The following MYO18B variants were observed in gnomAD, a reference collection of about 807,000 sequenced individuals.
MYO18B encodes unconventional myosin-XVIIIb.
Under a neutral mutation model 273.0 loss-of-function variants are expected in MYO18B, and 204 were observed. The observed-to-expected ratio is 0.75, with a 90% CI of 0.67 to 0.84. The LOEUF is 0.84. Among genes scored for constraint, MYO18B ranks in the 40% least tolerant of loss-of-function variants. The pLI, the probability that MYO18B is intolerant of heterozygous loss-of-function variation, is 0.00. For missense variants in MYO18B, 3,212 were observed against 3,287.6 expected (o/e 0.98, Z 0.56); for synonymous variants, 1,330 against 1,305.7 (o/e 1.02, Z -0.40).
intron 16 of MYO18B, among the ~76,000 whole-genome samples, chr22:25,835,069 A>C (rs759505792): frequency 1.3e-5 from 2 of 152,242 alleles, no homozygotes; most frequent in Non-Finnish European, 2.9e-5. Flanking sequence ...AAGGCCACAC[A>C]GGAGGTGAGC....
chr22:25,769,661 G>T (rs1022870730), intron 4 of MYO18B, among the ~76,000 whole-genome samples: 17 of 152,286 alleles, frequency 1.1e-4, no homozygotes, highest in Non-Finnish European at 2.2e-4. Context: ...ATTCCCCACA[G>T]AGTGAGGGAA....
At chr22:25,982,599 A>C (rs2093160701) in intron 39 of MYO18B, among the ~76,000 whole-genome samples, 1 of 152,172 alleles carries the variant, frequency 6.6e-6, no homozygotes, top group African/African-American at 2.4e-5. Flanking sequence ...TCTAGCTTCT[A>C]GTGTCTGCCA....
chr22:25,768,105 T>C lies in MYO18B; in HGVS notation c.199-10T>C. 2 of 1,579,088 alleles carry C rather than the reference T, an allele frequency of 1.3e-6. No homozygotes were observed. The highest frequency in any genetic ancestry group is 1.7e-6 in the Non-Finnish European group (2 of 1,162,232). On this transcript the variant is annotated splice_polypyrimidine_tract_variant and intron_variant, in intron 3 of 43. Coordinates refer to ENST00000335473, the MANE Select transcript of MYO18B (RefSeq NM_032608.7). ...CAGCTATGTAGGCATGGTTGTGTTCTTTCTCCCAGATCCCAGAAATTTCCA... is the reference window on the plus strand; with the variant it reads ...CAGCTATGTAGGCATGGTTGTGTTCCTTCTCCCAGATCCCAGAAATTTCCA...
intron 34 of MYO18B, 69 bp downstream of exon 34, chr22:25,921,478 C>G: frequency 6.5e-7 from 1 of 1,527,390 alleles, no homozygotes; most frequent in Admixed American, 2.0e-5. Context: ...GAATTGCTGT[C>G]CCTCCCAGGT....
At position 25,847,570 on chromosome 22, in the gene MYO18B, A is replaced by C. The variant is rs770944454; in HGVS notation, c.3693A>C (p.Gly1231=). Residue 1231 remains glycine (G), a synonymous_variant, in exon 20 of 44, where the codon GGA becomes GGC. Transcript: ENST00000335473. ...QPGRDKPGAG[G]PLALDIPALR... is the part of the protein sequence containing the mutation. ...GTAGAGACAAGCCTGGGGCAGGTGG[A>C]CCTCTGGCCCTGGATATCCCAGCAC... 5.1e-6 allele frequency: 8 copies of C among 1,567,912 alleles called. No homozygotes were observed. Among genetic ancestry groups the C allele is most frequent in the South Asian group, 2.4e-5 (2 of 84,884 alleles).
intron 39 of MYO18B, among the ~76,000 whole-genome samples, chr22:25,957,057 T>C (rs548667681): frequency 2.6e-5 from 4 of 152,282 alleles, no homozygotes; most frequent in South Asian, 4.2e-4. Flanking sequence ...AGAAAAGCTC[T>C]TTCCTCCAGT....
At chr22:25,909,475 A>G (rs564989415) in intron 32 of MYO18B, among the ~76,000 whole-genome samples, 26 of 152,354 alleles carry the variant, frequency 1.7e-4, no homozygotes, top group African/African-American at 5.5e-4. Flanking sequence ...CTTGCTTTCT[A>G]TAGAAGTGAC....
intron 42 of MYO18B, among the ~76,000 whole-genome samples, chr22:26,013,088 C>G (rs1315166339): frequency 2.1e-5 from 3 of 142,880 alleles, no homozygotes; most frequent in Middle Eastern, 3.5e-3. Flanking sequence ...TCTTTTGTGT[C>G]TGGCCTCTTT....
At chr22:25,928,810 A>G (rs2092457449) in intron 34 of MYO18B, among the ~76,000 whole-genome samples, 1 of 152,146 alleles carries the variant, frequency 6.6e-6, no homozygotes, top group Admixed American at 6.5e-5. Context: ...GATTGGGCTG[A>G]TATAAAGAAC....
At position 25,780,072 on chromosome 22, in the gene MYO18B, C is replaced by T; in HGVS notation, c.2085C>T (p.Ala695=). 2 of 1,594,428 alleles carry T rather than the reference C, an allele frequency of 1.3e-6. No homozygotes were observed. Among genetic ancestry groups the T allele is most frequent in the South Asian group, 1.1e-5 (1 of 87,748 alleles). ...DGRVSVEKIR[A]TFTVLRAFGS... ...CCCCAACAGTGGAGAAGATCCGAGC[C>T]ACCTTCACTGTCCTCCGGGCCTTCG... Residue 695 remains alanine (A), a synonymous_variant, in exon 9 of 44, where the codon GCC becomes GCT. Coordinates refer to ENST00000335473, the MANE Select transcript of MYO18B (RefSeq NM_032608.7).
At chr22:25,760,455 G>A (rs2086275189) in intron 1 of MYO18B, among the ~76,000 whole-genome samples, 1 of 144,306 alleles carries the variant, frequency 6.9e-6, no homozygotes, top group Non-Finnish European at 1.5e-5. Context: ...AATAATAGTG[G>A]TTTCCCTTCA....
At chr22:26,003,407 AT>A in intron 41 of MYO18B, 98 bp downstream of exon 41, 2 of 1,015,354 alleles carry the variant, frequency 2.0e-6, no homozygotes, top group African/African-American at 1.6e-5. Flanking sequence ...CACTTGGAGA[AT>A]TATCAGTGAT....
chr22:25,764,353 A>G (rs557933882), intron 3 of MYO18B, among the ~76,000 whole-genome samples: 14 of 152,290 alleles, frequency 9.2e-5, no homozygotes, highest in African/African-American at 3.4e-4. Flanking sequence ...TTGGAATGCA[A>G]TGCATCTTGG....
intron 42 of MYO18B, among the ~76,000 whole-genome samples, chr22:26,018,911 G>A (rs1935589678): frequency 6.6e-6 from 1 of 152,158 alleles, no homozygotes; most frequent in African/African-American, 2.4e-5. Context: ...AGCCGAGATT[G>A]TGCCATTGCA....
At chr22:26,060,693 T>C in the MYO18B span, among the ~76,000 whole-genome samples, 3 of 151,900 alleles carry the variant, frequency 2.0e-5, no homozygotes, top group Admixed American at 2.0e-4. Context: ...CACACATATG[T>C]ACATACATAC....
At chr22:26,037,089 G>A in the MYO18B span, among the ~76,000 whole-genome samples, 1 of 151,912 alleles carries the variant, frequency 6.6e-6, no homozygotes, top group Non-Finnish European at 1.5e-5. Context: ...CTGGCTGAAC[G>A]GGCCTATGGA....
intron 1 of MYO18B, among the ~76,000 whole-genome samples, chr22:25,754,727 A>C (rs1296392669): frequency 6.6e-6 from 1 of 152,212 alleles, no homozygotes; most frequent in Non-Finnish European, 1.5e-5. Flanking sequence ...AAGTCTTGAC[A>C]AAACCTCCCC....
intron 18 of MYO18B, 22 bp from the exon 19 acceptor site, chr22:25,846,078 T>TCTTTTCCCTCCTCCCC: frequency 6.7e-7 from 1 of 1,500,150 alleles, no homozygotes; most frequent in South Asian, 1.3e-5. Context: ...AGCTCCTCTC[T>TCTTTTCCCTCCTCCCC]CTTTTCCCTC....
At chr22:25,985,613 A>G (rs767896790) in intron 39 of MYO18B, among the ~76,000 whole-genome samples, 6 of 151,914 alleles carry the variant, frequency 3.9e-5, no homozygotes, top group Admixed American at 6.6e-5. Flanking sequence ...CTGGAACACA[A>G]TTCACAGGGC....
Sources: gnomAD v4.1 joint callset for allele counts (sites outside exome capture counted in the v4.1 genomes callset) on GRCh38, gnomAD v4.1.1 for gene constraint, MANE v1.5 for transcripts, NCBI Gene and HGNC (gene_info 2026-07-23, HGNC 2026-07-21) for gene names.